The following CACNA2D3 variants were observed in gnomAD, a reference collection of about 807,000 sequenced individuals.
The protein encoded by CACNA2D3 is voltage-dependent calcium channel subunit alpha-2/delta-3.
CACNA2D3 carries 60 observed loss-of-function variants against 160.6 expected under a neutral mutation model. The ratio of observed to expected loss-of-function variants is 0.37; its 90% CI spans 0.30 to 0.46. The LOEUF is 0.46. Ranked by LOEUF, CACNA2D3 falls within the 20% of genes least tolerant of loss-of-function variation. The pLI, the probability that CACNA2D3 is intolerant of heterozygous loss-of-function variation, is 1.00. For missense variants in CACNA2D3, 1,205 were observed against 1,365.0 expected (o/e 0.88, Z 1.85); for synonymous variants, 558 against 492.9 (o/e 1.13, Z -1.75).
In CACNA2D3 at chr3:54,735,996, TATATATATATGTATATATATACACATAC is replaced by T. The variant is rs1553813860; in HGVS notation, c.1168-16570_1168-16543del. On this transcript the variant is annotated intron_variant, in intron 11 of 37. Coordinates refer to ENST00000474759, the MANE Select transcript of CACNA2D3 (RefSeq NM_018398.3). Reference sequence around the variant, plus strand: ...TTCCATGCATGTATATATATATACATATATATATATGTATATATATACACATACATATATATATGTATATATATACACA... The same window carrying T: ...TTCCATGCATGTATATATATATACATATATATATATGTATATATATACACA... Among the ~76,000 whole-genome samples, 5 of 70,262 alleles carry T rather than the reference TATATATATATGTATATATATACACATAC, an allele frequency of 7.1e-5. 1 individual carries two copies. The highest frequency in any genetic ancestry group is 8.1e-4 in the South Asian group (2 of 2,454). The allele number at this position is 70,262 out of a possible 152,430, so 46.1% of individuals were successfully genotyped here.
intron 2 of CACNA2D3, among the ~76,000 whole-genome samples, chr3:54,159,510 G>A (rs1056048295): frequency 2.6e-5 from 4 of 152,162 alleles, no homozygotes; most frequent in Non-Finnish European, 1.5e-5. Flanking sequence ...AGTATATCCT[G>A]TGGTAGAAGA....
At chr3:54,136,293 A>G (rs987457991) in intron 2 of CACNA2D3, among the ~76,000 whole-genome samples, 1 of 152,216 alleles carries the variant, frequency 6.6e-6, no homozygotes, top group Non-Finnish European at 1.5e-5. Flanking sequence ...ATTCAACACT[A>G]ATAAACTATC....
intron 12 of CACNA2D3, among the ~76,000 whole-genome samples, chr3:54,758,392 G>A (rs1478095324): frequency 6.6e-6 from 1 of 151,978 alleles, no homozygotes; most frequent in Non-Finnish European, 1.5e-5. Flanking sequence ...CAGGAGTGCG[G>A]TTCTCCCACC....
intron 11 of CACNA2D3, among the ~76,000 whole-genome samples, chr3:54,660,160 T>A (rs1699942558): frequency 2.0e-5 from 3 of 151,014 alleles, no homozygotes; most frequent in South Asian, 4.2e-4. Flanking sequence ...TTTTTTTCTT[T>A]TTATTTTTTT....
chr3:54,664,167 A>C (rs528937404), intron 11 of CACNA2D3, among the ~76,000 whole-genome samples: 1 of 152,298 alleles, frequency 6.6e-6, no homozygotes, highest in African/African-American at 2.4e-5. Flanking sequence ...CTGGAATGCT[A>C]TCTTGGATAG....
At chr3:55,060,434 C>T (rs187741903) in intron 35 of CACNA2D3, among the ~76,000 whole-genome samples, 1 of 152,176 alleles carries the variant, frequency 6.6e-6, no homozygotes, top group Non-Finnish European at 1.5e-5. Flanking sequence ...TAGCATCAAG[C>T]AGGTCTAGCT....
chr3:54,189,461 C>T (rs1700941364), intron 2 of CACNA2D3, among the ~76,000 whole-genome samples: 1 of 152,176 alleles, frequency 6.6e-6, no homozygotes, highest in Non-Finnish European at 1.5e-5. Context: ...CTGTGGCTCT[C>T]CAGACAAGTT....
intron 4 of CACNA2D3, among the ~76,000 whole-genome samples, chr3:54,484,928 T>A (rs985939233): frequency 6.6e-6 from 1 of 150,874 alleles, no homozygotes; most frequent in Non-Finnish European, 1.5e-5. Context: ...CTCACTGCAA[T>A]CTCTGCCTTC....
intron 4 of CACNA2D3, among the ~76,000 whole-genome samples, chr3:54,423,333 T>C (rs930785317): frequency 2.6e-5 from 4 of 152,172 alleles, no homozygotes; most frequent in African/African-American, 9.7e-5. Context: ...TAAATATTCA[T>C]TGGTGTCTAC....
rs190824417 is a variant in CACNA2D3 at position 54,556,025 on chromosome 3, A to C, written c.545-6775A>C. Among the ~76,000 whole-genome samples, 69 of 152,334 alleles carry C rather than the reference A, an allele frequency of 4.5e-4. 1 individual carries two copies. The highest frequency in any genetic ancestry group is 8.5e-4 in the Admixed American group (13 of 15,306). On this transcript the variant is annotated intron_variant, in intron 5 of 37. Coordinates refer to ENST00000474759, the MANE Select transcript of CACNA2D3 (RefSeq NM_018398.3). ...GAGTGAAGGCCTTGAAACATCCTTC[A>C]CTAGGTAGAAGCCCTGCTCTTATTA...
intron 13 of CACNA2D3, among the ~76,000 whole-genome samples, chr3:54,787,648 A>G (rs1165177082): frequency 6.6e-6 from 1 of 152,216 alleles, no homozygotes; most frequent in African/African-American, 2.4e-5. Context: ...AATTATGGAG[A>G]AGTGACAAGA....
At chr3:54,202,184 G>A (rs897767871) in intron 2 of CACNA2D3, among the ~76,000 whole-genome samples, 3 of 152,234 alleles carry the variant, frequency 2.0e-5, no homozygotes, top group Non-Finnish European at 4.4e-5. Context: ...GAAGGGAAGC[G>A]TGGGAGTTGA....
chr3:54,971,761 A>G (rs1445814756), intron 29 of CACNA2D3, among the ~76,000 whole-genome samples: 1 of 152,202 alleles, frequency 6.6e-6, no homozygotes, highest in Non-Finnish European at 1.5e-5. Context: ...GCAGTCTAAC[A>G]TGGTGGTTAA....
rs199813850 is a variant in CACNA2D3, at chr3:54,927,595, C to A, written c.2449+27727C>A. Among the ~76,000 whole-genome samples the A allele has an allele frequency of 3.3e-5, 5 of 152,198 alleles. No individual in the cohort carries two copies. In the East Asian group the frequency reaches 9.7e-4, roughly 29 times the overall value. ...ATTGTAGCCAATTTGTTCATTCTTT[C>A]TTTGGTTCCACTTTTCCCCCCAAAG... On this transcript the variant is annotated intron_variant, in intron 27 of 37. Coordinates refer to ENST00000474759, the MANE Select transcript of CACNA2D3 (RefSeq NM_018398.3).
At position 54,816,855 on chromosome 3, in the gene CACNA2D3, C is replaced by G. The variant is rs184164111; in HGVS notation, c.1383C>G (p.Leu461=). ...VWTEAYIDST[L]PQAQKLTDDQ... ...TTTGTTTTGTTTTCCCCCTTCAGCT[C>G]CCTCAGGCACAAAAGGTAAATTCTC... Residue 461 remains leucine (L), a splice_region_variant and synonymous_variant, in exon 14 of 38, where the codon CTC becomes CTG. Coordinates refer to ENST00000474759, the MANE Select transcript of CACNA2D3 (RefSeq NM_018398.3). 1 of 1,613,724 alleles carries G rather than the reference C, an allele frequency of 6.2e-7. No individual in the cohort carries two copies. Among genetic ancestry groups the G allele is most frequent in the East Asian group, 2.2e-5 (1 of 44,874 alleles).
At chr3:55,014,465 C>CAT (rs1330746713) in intron 34 of CACNA2D3, among the ~76,000 whole-genome samples, 3 of 152,160 alleles carry the variant, frequency 2.0e-5, no homozygotes, top group Non-Finnish European at 4.4e-5. Flanking sequence ...CACAGTGGCT[C>CAT]ACGCCTGTAA....
At chr3:54,576,702 AC>A (rs1702588051) in intron 8 of CACNA2D3, among the ~76,000 whole-genome samples, 1 of 152,008 alleles carries the variant, frequency 6.6e-6, no homozygotes, top group African/African-American at 2.4e-5. Context: ...TTTTGGAGGG[AC>A]TGTTGCAGCA....
intron 34 of CACNA2D3, among the ~76,000 whole-genome samples, chr3:55,014,857 G>C (rs1024040229): frequency 6.6e-6 from 1 of 152,202 alleles, no homozygotes; most frequent in Non-Finnish European, 1.5e-5. Flanking sequence ...TAGCACTCTA[G>C]ACAAAGTAAG....
At chr3:54,759,710 A>AT (rs1477497364) in intron 12 of CACNA2D3, among the ~76,000 whole-genome samples, 1 of 152,186 alleles carries the variant, frequency 6.6e-6, no homozygotes, top group East Asian at 1.9e-4. Context: ...GGACAGTCAT[A>AT]TATTGCCCCA....
Sources: allele counts gnomAD v4.1 joint callset (sites outside exome capture counted in the v4.1 genomes callset), GRCh38; gene constraint gnomAD v4.1.1; transcripts MANE v1.5; gene names NCBI Gene and HGNC (gene_info 2026-07-23, HGNC 2026-07-21).